UNC13B: variants seen among roughly 807,000 people sequenced by gnomAD.
The protein encoded by UNC13B is unc-13 homolog B.
A neutral mutation model predicts 211.0 loss-of-function variants in UNC13B; 144 were observed. The ratio of observed to expected loss-of-function variants is 0.68; its 90% CI spans 0.60 to 0.78. UNC13B has a LOEUF of 0.78. Ranked by LOEUF, UNC13B falls within the 30% of genes least tolerant of loss-of-function variation. The pLI, the probability that UNC13B is intolerant of heterozygous loss-of-function variation, is 0.00. For synonymous variants in UNC13B, 709 were observed against 725.8 expected (o/e 0.98, Z 0.37); for missense variants, 1,777 against 2,002.0 (o/e 0.89, Z 2.14).
chr9:35,321,129 G>A (rs1218737596), intron 11 of UNC13B, among the ~76,000 whole-genome samples: 6 of 151,706 alleles, frequency 4.0e-5, no homozygotes, highest in Non-Finnish European at 8.8e-5. Flanking sequence ...ACTTTATTCT[G>A]GGTTATTAAA....
intron 1 of UNC13B, among the ~76,000 whole-genome samples, chr9:35,199,460 CAGTGTA>C (rs986690853): frequency 1.3e-5 from 2 of 152,178 alleles, no homozygotes; most frequent in Admixed American, 6.5e-5. Context: ...GTCCCACCAA[CAGTGTA>C]AAAGCATTCC....
chr9:35,232,445 G>C (rs1373690358), intron 3 of UNC13B, among the ~76,000 whole-genome samples: 1 of 151,882 alleles, frequency 6.6e-6, no homozygotes, highest in African/African-American at 2.4e-5. Context: ...GCCTCCCAAA[G>C]CTGTGGGATT....
chr9:35,386,239 A>C lies in UNC13B; in HGVS notation c.11040A>C (p.Thr3680=), dbSNP rs150519290. ...GTGTGAAGGCCTGTTTGAACTCCAC[A>C]TATGAATATATCTTCAACAACTGCC... is the stretch of plus-strand genomic sequence containing the variant. The part of the protein sequence containing the change: ...KDCVKACLNS[T]YEYIFNNCHD... The change falls in exon 24 of 40, where the codon ACA becomes ACC. Residue 3680 remains threonine, a synonymous_variant. Coordinates refer to ENST00000635942, the MANE Select transcript of UNC13B (RefSeq NM_001371189.2). The C allele has an allele frequency of 1.9e-6, 3 of 1,614,180 alleles. No individual in the cohort carries two copies. The South Asian group carries it at 3.3e-5, about 18-fold the overall frequency.
At chr9:35,275,169 C>T (rs1279436071) in intron 7 of UNC13B, among the ~76,000 whole-genome samples, 1 of 152,070 alleles carries the variant, frequency 6.6e-6, no homozygotes, top group African/African-American at 2.4e-5. Flanking sequence ...TCTTTTTCTG[C>T]ATCACTTGTT....
chr9:35,334,055 T>A (rs993635032), intron 11 of UNC13B, among the ~76,000 whole-genome samples: 1 of 151,996 alleles, frequency 6.6e-6, no homozygotes. Flanking sequence ...AACCTCCTCC[T>A]CCCTGGTTCA....
intron 21 of UNC13B, 132 bp downstream of exon 21, chr9:35,382,639 T>C (rs1468313757): frequency 8.9e-5 from 94 of 1,058,176 alleles, no homozygotes; most frequent in Non-Finnish European, 1.2e-4. Context: ...CTCGGCTCAC[T>C]GCAACTTCTA....
intron 1 of UNC13B, among the ~76,000 whole-genome samples, chr9:35,186,630 G>C (rs1822375741): frequency 6.6e-6 from 1 of 152,104 alleles, no homozygotes; most frequent in African/African-American, 2.4e-5. Flanking sequence ...AGAGGAAAAA[G>C]CTGACTGGTG....
chr9:35,350,670 G>A lies in UNC13B; in HGVS notation c.9415-16277G>A, dbSNP rs148860571. Among the ~76,000 whole-genome samples, 320 of 152,302 alleles carry A rather than the reference G, an allele frequency of 2.1e-3. 2 individuals carry two copies. The highest frequency in any genetic ancestry group is 6.5e-3 in the African/African-American group (270 of 41,568). On this transcript the variant is annotated intron_variant, in intron 11 of 39. Transcript: ENST00000635942. ...CCACCTACGTCTGGACAGTGTGTGC[G>A]TACTGTGCCACTTTATTCTAGAATT...
intron 5 of UNC13B, among the ~76,000 whole-genome samples, chr9:35,240,117 A>G (rs1587442989): frequency 6.6e-6 from 1 of 152,202 alleles, no homozygotes; most frequent in Non-Finnish European, 1.5e-5. Context: ...TGCAGTAAAG[A>G]CAGGCTTAAG....
At chr9:35,260,143 G>A (rs1284987781) in intron 7 of UNC13B, among the ~76,000 whole-genome samples, 1 of 148,428 alleles carries the variant, frequency 6.7e-6, no homozygotes, top group African/African-American at 2.5e-5. Context: ...CTGGGAAATC[G>A]AGGCTGTAGT....
At chr9:35,256,792 T>C (rs1169142955) in intron 6 of UNC13B, among the ~76,000 whole-genome samples, 2 of 152,340 alleles carry the variant, frequency 1.3e-5, no homozygotes, top group African/African-American at 4.8e-5. Context: ...TTTGGCCTAG[T>C]AATCTATTAA....
chr9:35,295,714 G>T lies in UNC13B; in HGVS notation c.545G>T (p.Ser182Ile), dbSNP rs1364698882. 13 of 1,614,128 alleles carry T rather than the reference G, an allele frequency of 8.1e-6. No individual in the cohort carries two copies. The highest frequency in any genetic ancestry group is 1.1e-5 in the Non-Finnish European group (13 of 1,180,028). Residue 182 changes from serine to isoleucine, a missense_variant, in exon 8 of 40, where the codon AGT (serine) becomes ATT (isoleucine). By Grantham distance (142) the Ser-to-Ile change is moderately radical. Coordinates refer to ENST00000635942, the MANE Select transcript of UNC13B (RefSeq NM_001371189.2). Reference protein sequence around the residue: ...AAQCSFEDPDSAVDDRDSDYR... With the variant: ...AAQCSFEDPDIAVDDRDSDYR... Reference sequence around the variant, plus strand: ...TCCATAGCTTTTGAAGACCCTGATAGTGCCGTCGATGACCGAGATAGTGAC... The same window carrying T: ...TCCATAGCTTTTGAAGACCCTGATATTGCCGTCGATGACCGAGATAGTGAC...
intron 8 of UNC13B, among the ~76,000 whole-genome samples, chr9:35,298,580 A>C (rs1829512831): frequency 6.6e-6 from 1 of 152,150 alleles, no homozygotes; most frequent in South Asian, 2.1e-4. Flanking sequence ...TTGGCCTCCG[A>C]AAGTGCTTGG....
At chr9:35,239,069 T>C (rs887532644) in intron 5 of UNC13B, among the ~76,000 whole-genome samples, 1 of 152,146 alleles carries the variant, frequency 6.6e-6, no homozygotes, top group Non-Finnish European at 1.5e-5. Flanking sequence ...GTCCAAAAGG[T>C]TATACCAATT....
chr9:35,387,101 T>G (rs1835237400), intron 24 of UNC13B, among the ~76,000 whole-genome samples: 1 of 152,090 alleles, frequency 6.6e-6, no homozygotes, highest in African/African-American at 2.4e-5. Flanking sequence ...CATAAACATA[T>G]ATATAACTCT....
At chr9:35,171,458 G>A (rs1374806030) in intron 1 of UNC13B, among the ~76,000 whole-genome samples, 1 of 152,210 alleles carries the variant, frequency 6.6e-6, no homozygotes, top group Non-Finnish European at 1.5e-5. Flanking sequence ...CTGGAGTGCA[G>A]TGATGTGATC....
At chr9:35,168,140 A>G (rs183087368) in intron 1 of UNC13B, among the ~76,000 whole-genome samples, 25 of 151,994 alleles carry the variant, frequency 1.6e-4, no homozygotes, top group Admixed American at 1.6e-3. Flanking sequence ...CTGGTCTTGA[A>G]CTTCTGGACT....
At chr9:35,172,714 C>T (rs1163182523) in intron 1 of UNC13B, among the ~76,000 whole-genome samples, 1 of 151,930 alleles carries the variant, frequency 6.6e-6, no homozygotes, top group Non-Finnish European at 1.5e-5. Context: ...AATAATTATC[C>T]ACTGGGTGTG....
At chr9:35,230,467 T>A (rs577913185) in intron 2 of UNC13B, among the ~76,000 whole-genome samples, 2 of 130,146 alleles carry the variant, frequency 1.5e-5, no homozygotes, top group African/African-American at 5.8e-5. Flanking sequence ...CAAGACTCTG[T>A]CTCAAAAAAA....
Sources: allele counts gnomAD v4.1 joint callset (sites outside exome capture counted in the v4.1 genomes callset), GRCh38; gene constraint gnomAD v4.1.1; transcripts MANE v1.5; gene names NCBI Gene and HGNC (gene_info 2026-07-23, HGNC 2026-07-21).